The following ERCC6L2 variants were observed in gnomAD, a reference collection of about 807,000 sequenced individuals.
ERCC6L2 encodes the protein DNA excision repair protein ERCC-6-like 2.
A neutral mutation model predicts 132.0 loss-of-function variants in ERCC6L2; 77 were observed. The ratio of observed to expected loss-of-function variants is 0.58; its 90% CI spans 0.49 to 0.71. The LOEUF (loss-of-function observed/expected upper bound fraction) is 0.71, where lower values mean the gene tolerates loss of function less well. ERCC6L2 is among the 30% of genes least tolerant of loss of function. The pLI, the probability that ERCC6L2 is intolerant of heterozygous loss-of-function variation, is 0.00. For synonymous variants in ERCC6L2, 583 were observed against 632.4 expected (o/e 0.92, Z 1.17); for missense variants, 1,542 against 1,837.6 (o/e 0.84, Z 2.94).
intron 17 of ERCC6L2, among the ~76,000 whole-genome samples, chr9:95,990,771 G>A (rs1193271805): frequency 6.6e-6 from 1 of 152,202 alleles, no homozygotes; most frequent in Admixed American, 6.5e-5. Context: ...TCTCCCATCC[G>A]GGGACAGCCA....
downstream of ERCC6L2, among the ~76,000 whole-genome samples, chr9:96,023,235 G>A (rs114800090): frequency 0.018 from 2,815 of 152,284 alleles, 81 homozygotes; most frequent in African/African-American, 0.064. Context: ...CTGGAACAGG[G>A]AAGGGATTTA....
chr9:95,953,024 C>T (rs1831414470), intron 12 of ERCC6L2, among the ~76,000 whole-genome samples: 1 of 152,048 alleles, frequency 6.6e-6, no homozygotes, highest in Non-Finnish European at 1.5e-5. Flanking sequence ...CTAGAGTCAT[C>T]AAATTCACAA....
At chr9:95,966,503 A>C in intron 13 of ERCC6L2, 59 bp from the exon 14 acceptor site, 1 of 1,365,874 alleles carries the variant, frequency 7.3e-7, no homozygotes, top group Non-Finnish European at 9.6e-7. Context: ...ATGCCAGGAA[A>C]TTCTGACATA....
At chr9:95,992,430 A>G (rs1588032811) in intron 17 of ERCC6L2, among the ~76,000 whole-genome samples, 2 of 152,214 alleles carry the variant, frequency 1.3e-5, no homozygotes, top group Admixed American at 1.3e-4. Flanking sequence ...TTCTAGCAGG[A>G]TATGCTTCCA....
At chr9:96,040,397 T>A (rs1385540299) in intron 20 of ERCC6L2, among the ~76,000 whole-genome samples, 1 of 152,202 alleles carries the variant, frequency 6.6e-6, no homozygotes, top group Non-Finnish European at 1.5e-5. Flanking sequence ...AGGTGAGTCT[T>A]CTCAGGAGGC....
At chr9:95,926,903 TGTG>T (rs764652324) in intron 9 of ERCC6L2, among the ~76,000 whole-genome samples, 11 of 151,992 alleles carry the variant, frequency 7.2e-5, no homozygotes, top group Non-Finnish European at 1.5e-4. Context: ...TAAGAGAAAG[TGTG>T]GAGGAGGTTG....
chr9:95,991,591 A>G (rs969235809), intron 17 of ERCC6L2, among the ~76,000 whole-genome samples: 6 of 152,234 alleles, frequency 3.9e-5, no homozygotes, highest in East Asian at 1.9e-4. Context: ...AAAGAAAACA[A>G]TGGATAGTGC....
chr9:95,876,143 A>G, intron 1 of ERCC6L2, 59 bp downstream of exon 1: 2 of 1,489,896 alleles, frequency 1.3e-6, no homozygotes, highest in South Asian at 2.4e-5. Flanking sequence ...GCGTTGGACC[A>G]GTTCTTGCCG....
Position 95,971,971 on chromosome 9 carries a change from A to T in ERCC6L2, c.2220A>T (p.Glu740Asp). 1 of 1,304,070 alleles carries T rather than the reference A, an allele frequency of 7.7e-7. No individual in the cohort carries two copies. The highest frequency in any genetic ancestry group is 1.0e-6 in the Non-Finnish European group (1 of 988,884). 80.8% of individuals were successfully genotyped at this position (1,304,070 alleles called of 1,614,324 possible). A position where few individuals can be genotyped will look rare whatever the true frequency, so the allele number is the denominator to read the frequency against. The change falls in exon 16 of 19, where the codon GAA (glutamate) becomes GAT (aspartate). Residue 740 changes from glutamate (E) to aspartate (D), a missense_variant. By Grantham distance (45) the Glu-to-Asp change is conservative. Coordinates refer to ENST00000653738, the MANE Select transcript of ERCC6L2 (RefSeq NM_020207.7). The stretch of plus-strand genomic sequence containing the variant: ...ACTGTCAGGAATGCAGAGGTACAGA[A>T]CAAGCTGCAGAGCCACTGGCAAAGG... ...QPDCQECRGT[E>D]QAAEPLAKEA... is the part of the protein sequence containing the mutation.
chr9:95,967,973 A>G (rs935934703), intron 14 of ERCC6L2: 2 of 152,172 alleles, frequency 1.3e-5, no homozygotes, highest in African/African-American at 4.8e-5. Flanking sequence ...TCTGTCATAT[A>G]TGACATAGTT....
At chr9:95,988,011 T>G (rs535753039) in intron 17 of ERCC6L2, among the ~76,000 whole-genome samples, 1 of 152,282 alleles carries the variant, frequency 6.6e-6, no homozygotes, top group Admixed American at 6.5e-5. Flanking sequence ...AAGCTGTACC[T>G]TGGACCCTTT....
intron 17 of ERCC6L2, among the ~76,000 whole-genome samples, chr9:95,999,156 C>G (rs576301307): frequency 2.6e-4 from 39 of 152,230 alleles, no homozygotes; most frequent in African/African-American, 9.1e-4. Flanking sequence ...GTCAGGAGAT[C>G]TAGACCATCC....
At chr9:95,979,228 G>A (rs1208447954) in intron 17 of ERCC6L2, among the ~76,000 whole-genome samples, 1 of 152,174 alleles carries the variant, frequency 6.6e-6, no homozygotes, top group Non-Finnish European at 1.5e-5. Flanking sequence ...GGAAATGTGT[G>A]TGGGCAGTTT....
At chr9:96,025,345 A>G (rs1438167643) in intron 19 of ERCC6L2, among the ~76,000 whole-genome samples, 12 of 152,216 alleles carry the variant, frequency 7.9e-5, no homozygotes. Context: ...TGGTGCTTCC[A>G]GTGTCAAGTT....
At chr9:95,891,817 A>T (rs530309844) in intron 2 of ERCC6L2, among the ~76,000 whole-genome samples, 1 of 152,086 alleles carries the variant, frequency 6.6e-6, no homozygotes, top group African/African-American at 2.4e-5. Flanking sequence ...ACATATTTTC[A>T]TGTGCTTTTT....
intron 11 of ERCC6L2, among the ~76,000 whole-genome samples, chr9:95,934,255 A>G (rs1462949613): frequency 6.6e-6 from 1 of 152,180 alleles, no homozygotes; most frequent in East Asian, 1.9e-4. Context: ...CAGGATATGT[A>G]GATCAGATAG....
chr9:95,975,512 G>A (rs551039611), intron 16 of ERCC6L2, among the ~76,000 whole-genome samples: 1 of 149,160 alleles, frequency 6.7e-6, no homozygotes, highest in Non-Finnish European at 1.5e-5. Context: ...TGCCCAGGGG[G>A]TTTTTTTCTT....
At chr9:96,034,262 G>T (rs1003691706) in intron 19 of ERCC6L2, among the ~76,000 whole-genome samples, 2 of 152,240 alleles carry the variant, frequency 1.3e-5, no homozygotes, top group African/African-American at 4.8e-5. Context: ...ACCTGTGCAG[G>T]CTTTGAAGGA....
intron 17 of ERCC6L2, among the ~76,000 whole-genome samples, chr9:95,981,996 C>T (rs1362842798): frequency 6.6e-6 from 1 of 152,092 alleles, no homozygotes; most frequent in Non-Finnish European, 1.5e-5. Flanking sequence ...CTCTAAGAAA[C>T]TATATCTGTA....
Sources: allele counts gnomAD v4.1 joint callset (sites outside exome capture counted in the v4.1 genomes callset), GRCh38; gene constraint gnomAD v4.1.1; transcripts MANE v1.5; gene names NCBI Gene and HGNC (gene_info 2026-07-23, HGNC 2026-07-21).